The following RB1 variants were observed in gnomAD, a reference collection of about 807,000 sequenced individuals.
RB1 encodes the protein RB transcriptional corepressor 1, also known as retinoblastoma-associated protein.
Under a neutral mutation model 135.4 loss-of-function variants are expected in RB1, and 18 were observed. The ratio of observed to expected loss-of-function variants is 0.13; its 90% CI spans 0.09 to 0.20. The LOEUF is 0.20. Ranked by LOEUF, RB1 falls within the 10% of genes least tolerant of loss-of-function variation. RB1 has a pLI of 1.00. For synonymous variants in RB1, 365 were observed against 373.2 expected (o/e 0.98, Z 0.25); for missense variants, 868 against 1,110.0 (o/e 0.78, Z 3.10).
At chr13:48,380,297 T>C in intron 16 of RB1, 56 bp downstream of exon 16, 1 of 1,314,274 alleles carries the variant, frequency 7.6e-7, no homozygotes, top group East Asian at 2.4e-5. Flanking sequence ...TAAAATGTGG[T>C]GTGTTTCTTT....
chr13:48,396,292 A>G lies in RB1; in HGVS notation c.1695+14849A>G, dbSNP rs114526262. Among the ~76,000 whole-genome samples the G allele has an allele frequency of 6.5e-3, 994 of 152,330 alleles. 14 individuals carry two copies. The highest frequency in any genetic ancestry group is 0.023 in the African/African-American group (947 of 41,578). On this transcript the variant is annotated intron_variant, in intron 17 of 26. Coordinates refer to ENST00000267163, the MANE Select transcript of RB1 (RefSeq NM_000321.3). ...CAAAACAGCATGGTACTGGTACCAAAAAAGATAAATAAACCAACGGAACAG... is the reference window on the plus strand; with the variant it reads ...CAAAACAGCATGGTACTGGTACCAAGAAAGATAAATAAACCAACGGAACAG...
intron 11 of RB1, among the ~76,000 whole-genome samples, chr13:48,372,650 CAA>C (rs60724332): frequency 2.3e-5 from 3 of 129,040 alleles, no homozygotes; most frequent in Admixed American, 7.9e-5. Flanking sequence ...GGCTCCTTCT[CAA>C]AAAAAAAAAA....
chr13:48,357,583 C>A (rs1328539623), intron 6 of RB1, among the ~76,000 whole-genome samples: 1 of 152,016 alleles, frequency 6.6e-6, no homozygotes, highest in African/African-American at 2.4e-5. Flanking sequence ...GGCTTCCCGG[C>A]CCATTGTGTT....
Position 48,328,050 on chromosome 13 carries a change from C to T in RB1, c.265-14549C>T, listed in dbSNP as rs543182838. 6 of 748,394 alleles carry T rather than the reference C, an allele frequency of 8.0e-6. No individual in the cohort carries two copies. In the South Asian group the frequency reaches 9.6e-5, roughly 12 times the overall value. The allele number at this position is 748,394 out of a possible 1,614,324, so 46.4% of individuals were successfully genotyped here. A position where few individuals can be genotyped will look rare whatever the true frequency, so the allele number is the denominator to read the frequency against. On this transcript the variant is annotated intron_variant, in intron 2 of 26. Transcript: ENST00000267163. ...GAAACTGTTCTTTTTAACTTTATAC[C>T]CACCCACACCCCAATTTCAAAACAT...
chr13:48,318,515 G>A (rs1450115988), intron 2 of RB1: 8 of 1,010,648 alleles, frequency 7.9e-6, no homozygotes, highest in Non-Finnish European at 1.0e-5. Context: ...TGCGAGTGTC[G>A]CCGGGCCCCT....
At chr13:48,403,242 T>G (rs1477440538) in intron 17 of RB1, among the ~76,000 whole-genome samples, 1 of 152,196 alleles carries the variant, frequency 6.6e-6, no homozygotes, top group Non-Finnish European at 1.5e-5. Context: ...ATGAAACTAT[T>G]TCTCATTTAT....
chr13:48,312,173 T>C (rs1311414415), intron 2 of RB1, among the ~76,000 whole-genome samples: 1 of 152,270 alleles, frequency 6.6e-6, no homozygotes, highest in Non-Finnish European at 1.5e-5. Context: ...GATCACTCTT[T>C]ACAATGTGTA....
chr13:48,435,430 T>C (rs963306971), intron 17 of RB1, among the ~76,000 whole-genome samples: 1 of 152,184 alleles, frequency 6.6e-6, no homozygotes, highest in Admixed American at 6.5e-5. Flanking sequence ...TTTTTTACCA[T>C]TGAGTTTTGA....
At chr13:48,408,755 T>C (rs1264152707) in intron 17 of RB1, 1 of 152,202 alleles carries the variant, frequency 6.6e-6, no homozygotes, top group Non-Finnish European at 1.5e-5. Context: ...AAACTTTTGA[T>C]TCATTTATCT....
chr13:48,377,845 A>C (rs901738663), intron 13 of RB1, among the ~76,000 whole-genome samples: 4 of 152,228 alleles, frequency 2.6e-5, no homozygotes, highest in Admixed American at 2.6e-4. Flanking sequence ...TGTATGATAT[A>C]GCCTATTCAT....
rs375574886 is a variant in RB1 at position 48,345,977 on chromosome 13, A to G, written c.500+778A>G. ...TCCCCCTTTTTCTTTTTTGACCACT[A>G]AAACTTCACAACTGTGGTGGAGGAT... On this transcript the variant is annotated intron_variant, in intron 4 of 26. Transcript: ENST00000267163. Among the ~76,000 whole-genome samples the G allele has an allele frequency of 5.3e-5, 8 of 152,182 alleles. No individual in the cohort carries two copies. The East Asian group carries it at 1.2e-3, about 22-fold the overall frequency.
intron 2 of RB1, among the ~76,000 whole-genome samples, chr13:48,330,400 A>C (rs1952322538): frequency 6.6e-6 from 1 of 151,950 alleles, no homozygotes. Context: ...TTGAAAAGAT[A>C]AACAAAATTG....
chr13:48,346,988 C>T (rs550815818), intron 4 of RB1, among the ~76,000 whole-genome samples: 7 of 150,896 alleles, frequency 4.6e-5, no homozygotes, highest in Non-Finnish European at 1.0e-4. Flanking sequence ...AATTTGGGGA[C>T]TCATTGGTAG....
chr13:48,461,339 T>TA (rs1356736363), intron 20 of RB1, among the ~76,000 whole-genome samples: 2 of 152,358 alleles, frequency 1.3e-5, no homozygotes, highest in East Asian at 3.9e-4. Context: ...CTTGTATCAG[T>TA]ACTTCATTCC....
At chr13:48,315,339 G>A (rs913962937) in intron 2 of RB1, among the ~76,000 whole-genome samples, 13 of 152,122 alleles carry the variant, frequency 8.5e-5, no homozygotes, top group Non-Finnish European at 1.9e-4. Flanking sequence ...CTCAGCTTGG[G>A]TATTGGTACA....
intron 2 of RB1, among the ~76,000 whole-genome samples, chr13:48,313,686 TA>T (rs1952153617): frequency 6.6e-6 from 1 of 151,026 alleles, no homozygotes; most frequent in Non-Finnish European, 1.5e-5. Context: ...CAGTTGACTA[TA>T]AAAACCAGGG....
chr13:48,342,734 T>C lies in RB1; in HGVS notation c.380+20T>C, dbSNP rs767961998. The C allele has an allele frequency of 1.3e-5, 20 of 1,487,806 alleles. No homozygotes were observed. The highest frequency in any genetic ancestry group is 2.3e-5 in the East Asian group (1 of 44,154). 92.2% of individuals were successfully genotyped at this position (1,487,806 alleles called of 1,614,324 possible). ...AATCAGGTAAAGTTTCTTGTATAAA[T>C]ATAAGCCTCTGCCATAAAAGGAAAC... On this transcript the variant is annotated intron_variant, in intron 3 of 26. Transcript: ENST00000267163.
chr13:48,321,147 C>T (rs1389431644), intron 2 of RB1, among the ~76,000 whole-genome samples: 1 of 152,120 alleles, frequency 6.6e-6, no homozygotes, highest in Non-Finnish European at 1.5e-5. Context: ...CCTGCCTGCG[C>T]TTGCGTCCCG....
intron 17 of RB1, among the ~76,000 whole-genome samples, chr13:48,432,112 T>C (rs756666562): frequency 2.1e-4 from 32 of 152,174 alleles, no homozygotes; most frequent in Non-Finnish European, 3.4e-4. Context: ...TTTACTGTTC[T>C]ACATAGGGAG....
Sources: gnomAD v4.1 joint callset for allele counts (sites outside exome capture counted in the v4.1 genomes callset) on GRCh38, gnomAD v4.1.1 for gene constraint, MANE v1.5 for transcripts, NCBI Gene and HGNC (gene_info 2026-07-23, HGNC 2026-07-21) for gene names.